The following LRRC69 variants were observed in gnomAD, a reference collection of about 807,000 sequenced individuals.
LRRC69 encodes leucine-rich repeat-containing protein 69.
A neutral mutation model predicts 37.8 loss-of-function variants in LRRC69; 42 were observed. That is an observed-to-expected ratio of 1.11 (90% CI 0.87 to 1.44). LRRC69 has a LOEUF of 1.44. Among genes scored for constraint, LRRC69 ranks in the 40% most tolerant of loss-of-function variants. The pLI, the probability that LRRC69 is intolerant of heterozygous loss-of-function variation, is 0.00. For missense variants in LRRC69, 357 were observed against 401.9 expected, an observed-to-expected ratio of 0.89 and a Z score of 0.96; for synonymous variants, 141 against 143.1, an observed-to-expected ratio of 0.99 and a Z score of 0.11.
chr8:91,133,118 G>A (rs1307599655), exon 4 of LRRC69: 1 of 1,401,554 alleles, frequency 7.1e-7, no homozygotes, highest in Admixed American at 2.7e-5. Flanking sequence ...AGATTAAAAA[G>A]TCTTACTTAT....
chr8:91,105,510 C>G (rs1813295737), intron 1 of LRRC69, among the ~76,000 whole-genome samples: 1 of 151,634 alleles, frequency 6.6e-6, no homozygotes, highest in Non-Finnish European at 1.5e-5. Flanking sequence ...ATAGTGAGAC[C>G]TCATCTCTAC....
intron 5 of LRRC69, among the ~76,000 whole-genome samples, chr8:91,177,516 A>G (rs996201768): frequency 6.6e-6 from 1 of 152,184 alleles, no homozygotes; most frequent in Non-Finnish European, 1.5e-5. Flanking sequence ...ATATACATTC[A>G]CTTTAATATA....
At chr8:91,120,696 C>T (rs573665568) in intron 1 of LRRC69, among the ~76,000 whole-genome samples, 16 of 152,096 alleles carry the variant, frequency 1.1e-4, no homozygotes, top group African/African-American at 2.2e-4. Flanking sequence ...ATGGTAGCTG[C>T]GGATGGAGCA....
At chr8:91,124,599 G>T in exon 2 of LRRC69, 1 of 1,539,672 alleles carries the variant, frequency 6.5e-7, no homozygotes, top group African/African-American at 1.4e-5. Context: ...AGGATCTGTA[G>T]ATTTGCACCT....
chr8:91,197,244 A>G (rs545011209), intron 6 of LRRC69, among the ~76,000 whole-genome samples: 1 of 152,170 alleles, frequency 6.6e-6, no homozygotes, highest in Non-Finnish European at 1.5e-5. Flanking sequence ...GCTCTCTTCA[A>G]AGCTGTCAGA....
chr8:91,184,701 T>C (rs1200376727), intron 5 of LRRC69, among the ~76,000 whole-genome samples: 1 of 152,198 alleles, frequency 6.6e-6, no homozygotes, highest in Non-Finnish European at 1.5e-5. Context: ...CCACTAAAGA[T>C]CTTACTCCAT....
At chr8:91,134,577 C>A (rs1281272900) in intron 4 of LRRC69, among the ~76,000 whole-genome samples, 1 of 151,790 alleles carries the variant, frequency 6.6e-6, no homozygotes, top group Non-Finnish European at 1.5e-5. Flanking sequence ...ACTCACACAC[C>A]CATCTCCTCT....
intron 7 of LRRC69, chr8:91,206,652 A>T: frequency 1.6e-6 from 2 of 1,286,672 alleles, no homozygotes; most frequent in Non-Finnish European, 2.0e-6. Context: ...TCTCAAAACC[A>T]TCTGATGTGC....
intron 5 of LRRC69, among the ~76,000 whole-genome samples, chr8:91,168,142 T>C (rs946519583): frequency 4.0e-5 from 6 of 151,856 alleles, no homozygotes; most frequent in African/African-American, 1.4e-4. Flanking sequence ...AGAAAACGCT[T>C]AGGGCATTGT....
exon 8 of LRRC69, chr8:91,218,900 T>C (rs1810107814): frequency 6.5e-7 from 1 of 1,546,550 alleles, no homozygotes; most frequent in African/African-American, 1.4e-5. Context: ...GACTGGAAGA[T>C]AAGCAAGAAT....
chr8:91,145,523 C>T (rs943820229), intron 5 of LRRC69, among the ~76,000 whole-genome samples: 2 of 151,860 alleles, frequency 1.3e-5, no homozygotes, highest in Admixed American at 6.6e-5. Context: ...TAAAATTTGA[C>T]CTTGATTTTA....
chr8:91,171,352 A>G (rs1313697211), intron 5 of LRRC69, among the ~76,000 whole-genome samples: 3 of 151,994 alleles, frequency 2.0e-5, no homozygotes, highest in South Asian at 2.1e-4. Context: ...AGGATCATAA[A>G]CAATTATAAT....
chr8:91,115,646 T>G (rs1813497785), intron 1 of LRRC69, among the ~76,000 whole-genome samples: 1 of 151,988 alleles, frequency 6.6e-6, no homozygotes, highest in African/African-American at 2.4e-5. Flanking sequence ...CTTAAATTTT[T>G]GCCCAAACAT....
At chr8:91,163,296 T>C (rs1392313473) in intron 5 of LRRC69, among the ~76,000 whole-genome samples, 1 of 151,548 alleles carries the variant, frequency 6.6e-6, no homozygotes, top group African/African-American at 2.4e-5. Context: ...TTAGCCTCCA[T>C]AGAATGCAAA....
At chr8:91,160,988 G>A (rs1017944620) in intron 5 of LRRC69, among the ~76,000 whole-genome samples, 5 of 151,162 alleles carry the variant, frequency 3.3e-5, no homozygotes, top group Admixed American at 6.6e-5. Context: ...AATTTGTTGA[G>A]AGTTTTTATC....
chr8:91,124,529 G>T lies in LRRC69; in HGVS notation c.220G>T (p.Glu74Ter). The T allele has an allele frequency of 6.5e-7, 1 of 1,541,430 alleles. No homozygotes were observed. Residue 74 changes from glutamate to a stop codon, truncating the protein, a stop_gained, in exon 2 of 8, where the codon GAA becomes TAA. Transcript: ENST00000448384. LOFTEE classifies it high-confidence loss of function. ...AAATCTGGGAAACAACCTTTTAGAAGAAGTTCCGGAAGAGATGAAATATCT... is the reference window on the plus strand; with the variant it reads ...AAATCTGGGAAACAACCTTTTAGAATAAGTTCCGGAAGAGATGAAATATCT...
intron 7 of LRRC69, among the ~76,000 whole-genome samples, chr8:91,212,346 C>A (rs1809944575): frequency 6.6e-6 from 1 of 151,954 alleles, no homozygotes; most frequent in Admixed American, 6.6e-5. Context: ...TTAACATTTC[C>A]CCAGATTCCT....
chr8:91,180,734 G>T (rs1809309995), intron 5 of LRRC69, among the ~76,000 whole-genome samples: 1 of 152,190 alleles, frequency 6.6e-6, no homozygotes, highest in Non-Finnish European at 1.5e-5. Flanking sequence ...GGGACTGGGA[G>T]AATGCACAGG....
At chr8:91,118,096 T>C (rs1813544998) in intron 1 of LRRC69, 1 of 445,022 alleles carries the variant, frequency 2.2e-6, no homozygotes. Context: ...AAATTAAATA[T>C]AGATAGCTAG....
Sources: gnomAD v4.1 joint callset for allele counts (sites outside exome capture counted in the v4.1 genomes callset) on GRCh38, gnomAD v4.1.1 for gene constraint, MANE v1.5 for transcripts, NCBI Gene and HGNC (gene_info 2026-07-23, HGNC 2026-07-21) for gene names.